The following SORCS2 variants were observed in gnomAD, a reference collection of about 807,000 sequenced individuals.
SORCS2 encodes VPS10 domain-containing receptor SorCS2.
In SORCS2, 100 loss-of-function variants were observed where a neutral mutation model predicts 141.6. The ratio of observed to expected loss-of-function variants is 0.71; its 90% confidence interval spans 0.60 to 0.83. SORCS2 has a LOEUF of 0.83. Ranked by LOEUF, SORCS2 falls within the 40% of genes least tolerant of loss-of-function variation. The pLI is 0.00. For synonymous variants in SORCS2, 789 were observed against 676.9 expected, an observed-to-expected ratio of 1.17 and a Z score of -2.57; for missense variants, 1,646 against 1,560.2, an observed-to-expected ratio of 1.05 and a Z score of -0.93.
chr4:7,322,972 G>T (rs60203292), intron 1 of SORCS2, among the ~76,000 whole-genome samples: 116,154 of 151,624 alleles, frequency 0.77, 45,022 homozygotes, highest in African/African-American at 0.89. Flanking sequence ...GGCCCTGCCC[G>T]TTTTTTATCT....
At position 7,723,716 on chromosome 4, in the gene SORCS2, A is replaced by C; in HGVS notation, c.2444A>C (p.Lys815Thr). 6.2e-7 allele frequency: 1 copy of C among 1,613,962 alleles called. No homozygotes were observed. The highest frequency in any genetic ancestry group is 2.2e-5 in the East Asian group (1 of 44,888). ...RQEQGDVLTT[K>T]YQVDLGDGFK... ...CTGCAGGGTGATGTCCTGACTACCA[A>C]GTACCAGGTAGACCTTGGGGACGGC... Residue 815 changes from lysine (K) to threonine (T), a missense_variant, in exon 19 of 27, where the codon AAG (lysine) becomes ACG (threonine). Lys to Thr is a moderately conservative substitution (Grantham distance 78). Transcript: ENST00000507866.
chr4:7,280,088 T>A (rs1294264586), intron 1 of SORCS2, among the ~76,000 whole-genome samples: 1 of 152,168 alleles, frequency 6.6e-6, no homozygotes, highest in African/African-American at 2.4e-5. Flanking sequence ...CAGTCTGGAA[T>A]TCAGGCCTCT....
chr4:7,385,717 G>A (rs1480047606), intron 1 of SORCS2, among the ~76,000 whole-genome samples: 1 of 152,200 alleles, frequency 6.6e-6, no homozygotes, highest in African/African-American at 2.4e-5. Flanking sequence ...AGGGACAGAC[G>A]CCAGCTCCAG....
In SORCS2 at chr4:7,654,182, C is replaced by G. The variant is rs866999982; in HGVS notation, c.862C>G (p.Arg288Gly). Residue 288 changes from arginine (R) to glycine (G), a missense_variant, in exon 5 of 27, where the codon CGA (arginine) becomes GGA (glycine). Transcript: ENST00000507866. Reference protein sequence around the residue: ...LGKKWTLLQERVTKDHVFWSV... With the variant: ...LGKKWTLLQEGVTKDHVFWSV... ...GAAAAAGTGGACACTTCTGCAAGAG[C>G]GAGTGACCAAAGACCACGTGTTCTG... 2 of 1,582,562 alleles carry G rather than the reference C, an allele frequency of 1.3e-6. No homozygotes were observed. Among genetic ancestry groups the G allele is most frequent in the East Asian group, 2.3e-5 (1 of 43,446 alleles).
chr4:7,394,850 A>AG (rs1472800440), intron 1 of SORCS2, among the ~76,000 whole-genome samples: 1 of 152,034 alleles, frequency 6.6e-6, no homozygotes, highest in Non-Finnish European at 1.5e-5. Context: ...TCAGATTGGG[A>AG]GGGGGCAGGG....
chr4:7,445,741 C>A (rs931325456), intron 2 of SORCS2, among the ~76,000 whole-genome samples: 7 of 152,166 alleles, frequency 4.6e-5, no homozygotes, highest in Non-Finnish European at 7.3e-5. Context: ...GCCCTTTTGT[C>A]AGGGTTGAGG....
intron 7 of SORCS2, among the ~76,000 whole-genome samples, chr4:7,666,296 C>T (rs1577917998): frequency 6.6e-6 from 1 of 152,124 alleles, no homozygotes; most frequent in African/African-American, 2.4e-5. Flanking sequence ...ACAGACTTAG[C>T]TTGTCTGGTG....
chr4:7,625,439 G>T (rs779174484), intron 3 of SORCS2, among the ~76,000 whole-genome samples: 130 of 152,050 alleles, frequency 8.5e-4, no homozygotes, highest in Non-Finnish European at 1.7e-3. Context: ...ATATAATGAG[G>T]ACTGTGGGGG....
At chr4:7,403,808 A>G (rs1310433851) in intron 2 of SORCS2, among the ~76,000 whole-genome samples, 1 of 150,208 alleles carries the variant, frequency 6.7e-6, no homozygotes, top group African/African-American at 2.4e-5. Flanking sequence ...TTACATGTGT[A>G]GATTGCATAA....
intron 17 of SORCS2, among the ~76,000 whole-genome samples, chr4:7,716,992 C>G (rs903572040): frequency 1.3e-5 from 2 of 152,238 alleles, no homozygotes; most frequent in Admixed American, 6.5e-5. Flanking sequence ...GAATTTGGCC[C>G]TGAGGGCAAG....
chr4:7,613,979 A>G (rs886544670), intron 3 of SORCS2, among the ~76,000 whole-genome samples: 3 of 151,146 alleles, frequency 2.0e-5, no homozygotes, highest in Non-Finnish European at 1.5e-5. Flanking sequence ...CCATCCATCA[A>G]TCCATCTATC....
At chr4:7,604,983 T>C (rs1577828854) in intron 3 of SORCS2, among the ~76,000 whole-genome samples, 1 of 152,322 alleles carries the variant, frequency 6.6e-6, no homozygotes, top group Non-Finnish European at 1.5e-5. Context: ...TTAGGATTCA[T>C]TTCAGCCACG....
intron 1 of SORCS2, among the ~76,000 whole-genome samples, chr4:7,322,310 C>T (rs1718946348): frequency 6.6e-6 from 1 of 152,146 alleles, no homozygotes; most frequent in Admixed American, 6.5e-5. Context: ...GGCCATGCCC[C>T]CTCTGTCCTG....
intron 18 of SORCS2, among the ~76,000 whole-genome samples, chr4:7,723,218 C>T (rs896527940): frequency 6.6e-5 from 10 of 152,110 alleles, no homozygotes; most frequent in African/African-American, 1.7e-4. Flanking sequence ...AATTAAGAAC[C>T]GCAGCTTCCC....
At chr4:7,699,626 G>A (rs371019120) in intron 12 of SORCS2, among the ~76,000 whole-genome samples, 1 of 152,168 alleles carries the variant, frequency 6.6e-6, no homozygotes, top group Non-Finnish European at 1.5e-5. Context: ...GCTCCTGGTG[G>A]AGCCAGGGAA....
intron 2 of SORCS2, among the ~76,000 whole-genome samples, chr4:7,453,351 C>T (rs1328825583): frequency 0.016 from 384 of 24,706 alleles, no homozygotes; most frequent in Middle Eastern, 0.038. Flanking sequence ...AGGCACTGTG[C>T]TGGGGTCAGG....
chr4:7,212,106 G>C (rs548577157), intron 1 of SORCS2, among the ~76,000 whole-genome samples: 2 of 152,136 alleles, frequency 1.3e-5, no homozygotes, highest in East Asian at 3.9e-4. Context: ...AGATGGGAGC[G>C]GAGTGTAGGA....
At chr4:7,484,085 G>C (rs34082279) in intron 2 of SORCS2, among the ~76,000 whole-genome samples, 12,338 of 152,182 alleles carry the variant, frequency 0.081, 774 homozygotes, top group East Asian at 0.25. Flanking sequence ...TTGCTTGCCT[G>C]GTGTTTCCTA....
Position 7,533,377 on chromosome 4 carries a change from C to T in SORCS2, c.648+1748C>T, listed in dbSNP as rs115723095. Among the ~76,000 whole-genome samples the T allele has an allele frequency of 8.2e-3, 1,246 of 152,258 alleles. 13 individuals carry two copies. The highest frequency in any genetic ancestry group is 0.029 in the African/African-American group (1,187 of 41,562). ...ACAAAGATGAGTGGCTGGGGGCTGG[C>T]GCTGACCCAGATGAGGGCCCACACT... On this transcript the variant is annotated intron_variant, in intron 3 of 26. Coordinates refer to ENST00000507866, the MANE Select transcript of SORCS2 (RefSeq NM_020777.3).
Sources: gnomAD v4.1 joint callset for allele counts (sites outside exome capture counted in the v4.1 genomes callset) on GRCh38, gnomAD v4.1.1 for gene constraint, MANE v1.5 for transcripts, NCBI Gene and HGNC (gene_info 2026-07-23, HGNC 2026-07-21) for gene names.